Variants in PRKCE observed in about 807,000 individuals in gnomAD.
PRKCE encodes protein kinase C epsilon type.
PRKCE carries 16 observed loss-of-function variants against 85.4 expected under a neutral mutation model. The observed-to-expected ratio is 0.19, with a 90% CI of 0.13 to 0.28. The LOEUF (loss-of-function observed/expected upper bound fraction) is 0.28. PRKCE is among the 10% of genes least tolerant of loss of function. The pLI, the probability that PRKCE is intolerant of heterozygous loss-of-function variation, is 1.00. For missense variants in PRKCE, 573 were observed against 975.2 expected, an observed-to-expected ratio of 0.59 and a Z score of 5.49; for synonymous variants, 388 against 371.5, an observed-to-expected ratio of 1.04 and a Z score of -0.51.
intron 2 of PRKCE, among the ~76,000 whole-genome samples, chr2:45,967,197 G>A (rs1701790232): frequency 6.6e-6 from 1 of 152,116 alleles, no homozygotes; most frequent in African/African-American, 2.4e-5. Flanking sequence ...GGAGCGGTAT[G>A]TACTACAGGA....
chr2:45,854,191 C>T (rs565551570), intron 2 of PRKCE, among the ~76,000 whole-genome samples: 1 of 152,330 alleles, frequency 6.6e-6, no homozygotes, highest in South Asian at 2.1e-4. Flanking sequence ...TGCAGTGTGG[C>T]TCCCTGTTGG....
intron 11 of PRKCE, among the ~76,000 whole-genome samples, chr2:46,100,998 T>C (rs983218809): frequency 6.6e-6 from 1 of 152,116 alleles, no homozygotes; most frequent in Non-Finnish European, 1.5e-5. Context: ...CCTCCCTGAA[T>C]AGCTGGGATT....
At chr2:45,659,361 A>C (rs1052542242) in intron 1 of PRKCE, among the ~76,000 whole-genome samples, 3 of 152,114 alleles carry the variant, frequency 2.0e-5, no homozygotes, top group Non-Finnish European at 4.4e-5. Context: ...CTGCCTTCAA[A>C]ATATATCTCA....
At chr2:45,765,497 T>A (rs968037426) in intron 1 of PRKCE, among the ~76,000 whole-genome samples, 9 of 152,226 alleles carry the variant, frequency 5.9e-5, no homozygotes, top group Non-Finnish European at 1.3e-4. Context: ...CCTGCAGGGC[T>A]GTTGTGCTGT....
chr2:46,065,672 G>C (rs1322537695), intron 10 of PRKCE, among the ~76,000 whole-genome samples: 1 of 152,074 alleles, frequency 6.6e-6, no homozygotes, highest in Non-Finnish European at 1.5e-5. Context: ...TCCTAATCAA[G>C]ATCTGAGGTC....
intron 2 of PRKCE, among the ~76,000 whole-genome samples, chr2:45,853,010 C>T (rs1360145205): frequency 2.0e-5 from 3 of 152,148 alleles, no homozygotes; most frequent in Non-Finnish European, 2.9e-5. Flanking sequence ...TGAGATATTC[C>T]GCCTCTGAAC....
intron 10 of PRKCE, among the ~76,000 whole-genome samples, chr2:46,030,162 C>G (rs1471240316): frequency 6.6e-6 from 1 of 152,178 alleles, no homozygotes; most frequent in African/African-American, 2.4e-5. Context: ...TCTCCATAGT[C>G]TAAGAACATG....
At chr2:45,969,341 G>A (rs531831347) in intron 2 of PRKCE, among the ~76,000 whole-genome samples, 10 of 152,188 alleles carry the variant, frequency 6.6e-5, no homozygotes, top group East Asian at 5.8e-4. Context: ...ATAAAACAAC[G>A]GACCTCCAAA....
At chr2:45,742,142 A>G (rs937596200) in intron 1 of PRKCE, among the ~76,000 whole-genome samples, 4 of 152,266 alleles carry the variant, frequency 2.6e-5, no homozygotes, top group Non-Finnish European at 4.4e-5. Flanking sequence ...CACGGCAAAG[A>G]AAACAATCAA....
At chr2:45,763,903 G>A (rs1684710279) in intron 1 of PRKCE, among the ~76,000 whole-genome samples, 3 of 152,190 alleles carry the variant, frequency 2.0e-5, no homozygotes, top group African/African-American at 4.8e-5. Context: ...ACTCTTTCTT[G>A]TATGCCTGCA....
intron 10 of PRKCE, among the ~76,000 whole-genome samples, chr2:46,076,408 G>T (rs1422641929): frequency 6.6e-6 from 1 of 152,356 alleles, no homozygotes; most frequent in East Asian, 1.9e-4. Context: ...TTCACACACA[G>T]ATGGAAGTGA....
At chr2:45,680,412 C>G (rs1180703140) in intron 1 of PRKCE, among the ~76,000 whole-genome samples, 4 of 152,210 alleles carry the variant, frequency 2.6e-5, no homozygotes, top group Admixed American at 2.6e-4. Context: ...TTCTGATAAC[C>G]TAAATATTCG....
chr2:45,733,440 G>A (rs1313784632), intron 1 of PRKCE, among the ~76,000 whole-genome samples: 1 of 152,122 alleles, frequency 6.6e-6, no homozygotes, highest in African/African-American at 2.4e-5. Flanking sequence ...CAAATAATAC[G>A]CAAGAAACAG....
chr2:45,966,062 A>G (rs1574051559), intron 2 of PRKCE, among the ~76,000 whole-genome samples: 2 of 152,086 alleles, frequency 1.3e-5, no homozygotes, highest in South Asian at 4.2e-4. Flanking sequence ...GGACTAGGCT[A>G]TTTTGCCATC....
At chr2:45,898,945 C>A (rs560603580) in intron 2 of PRKCE, among the ~76,000 whole-genome samples, 1 of 152,356 alleles carries the variant, frequency 6.6e-6, no homozygotes, top group East Asian at 1.9e-4. Flanking sequence ...AAAAAGAAAG[C>A]AGCCCCCAAT....
intron 2 of PRKCE, among the ~76,000 whole-genome samples, chr2:45,968,516 A>G (rs967551443): frequency 2.6e-5 from 4 of 152,204 alleles, no homozygotes; most frequent in Admixed American, 1.3e-4. Context: ...AAAACTACCT[A>G]TTGGGGTACA....
At chr2:45,915,409 G>C (rs1573861035) in intron 2 of PRKCE, among the ~76,000 whole-genome samples, 2 of 152,072 alleles carry the variant, frequency 1.3e-5, no homozygotes, top group African/African-American at 2.4e-5. Context: ...AAGAACAAAG[G>C]GTTTAAATAT....
intron 8 of PRKCE, among the ~76,000 whole-genome samples, chr2:46,005,270 C>A (rs753094207): frequency 6.6e-6 from 1 of 152,170 alleles, no homozygotes; most frequent in Non-Finnish European, 1.5e-5. Context: ...ATAATTTGCA[C>A]AATAATAATT....
Position 45,789,264 on chromosome 2 carries a change from A to G in PRKCE, c.349-53736A>G, listed in dbSNP as rs181537946. ...AAGAAAAGGTGCCTCTGGATTTTGT[A>G]TAATAATGTGATAACTCAGAAATTT... On this transcript the variant is annotated intron_variant, in intron 1 of 14. Transcript: ENST00000306156. 4.3e-4 allele frequency among the ~76,000 whole-genome samples: 66 copies of G among 152,316 alleles called. 1 individual carries two copies. Among genetic ancestry groups the G allele is most frequent in the African/African-American group, 1.5e-3 (64 of 41,574 alleles).
Sources: gnomAD v4.1 joint callset for allele counts (sites outside exome capture counted in the v4.1 genomes callset) on GRCh38, gnomAD v4.1.1 for gene constraint, MANE v1.5 for transcripts, NCBI Gene and HGNC (gene_info 2026-07-23, HGNC 2026-07-21) for gene names.